Variants in MYO5C observed in about 807,000 individuals in gnomAD.
The protein encoded by MYO5C is unconventional myosin-Vc.
A neutral mutation model predicts 235.7 loss-of-function variants in MYO5C; 194 were observed. That is an observed-to-expected ratio of 0.82 (90% CI 0.73 to 0.93). MYO5C has a LOEUF of 0.93. Ranked by LOEUF, MYO5C falls within the 40% of genes least tolerant of loss-of-function variation. The probability of loss-of-function intolerance (pLI) is 0.00; values close to 1 mark genes in which losing one functional copy is unlikely to be tolerated. For missense variants in MYO5C, 2,038 were observed against 2,127.2 expected (o/e 0.96, Z 0.82); for synonymous variants, 707 against 754.8 (o/e 0.94, Z 1.04).
At chr15:52,202,015 C>A (rs967428343) in intron 38 of MYO5C, among the ~76,000 whole-genome samples, 1 of 148,490 alleles carries the variant, frequency 6.7e-6, no homozygotes, top group African/African-American at 2.5e-5. Flanking sequence ...AAATGAAAAC[C>A]AGAAGCAACA....
chr15:52,237,583 C>T lies in MYO5C; in HGVS notation c.2767G>A (p.Val923Met), dbSNP rs201181429. 6.2e-7 allele frequency: 1 copy of T among 1,614,208 alleles called. No individual in the cohort carries two copies. Among genetic ancestry groups the T allele is most frequent in the Non-Finnish European group, 8.5e-7 (1 of 1,180,050 alleles). Residue 923 changes from valine to methionine, a missense_variant, in exon 22 of 41, where the codon GTG (valine) becomes ATG (methionine). Coordinates refer to ENST00000261839, the MANE Select transcript of MYO5C (RefSeq NM_018728.4). Reference sequence around the variant, plus strand: ...GCTTCCAGCTTCTGAATCTTTTCCACATCCCCAGCTCGAAGAGCAGCCAGG... The same window carrying T: ...GCTTCCAGCTTCTGAATCTTTTCCATATCCCCAGCTCGAAGAGCAGCCAGG... ...TSLAALRAGD[V>M]EKIQKLEAEL...
In MYO5C at chr15:52,229,317, C is replaced by T. The variant is rs777432955; in HGVS notation, c.3027-4G>A. 2.7e-5 allele frequency: 44 copies of T among 1,609,016 alleles called. No individual in the cohort carries two copies. In the Admixed American group the frequency reaches 3.0e-4, roughly 11 times the overall value. On this transcript the variant is annotated splice_region_variant and splice_polypyrimidine_tract_variant and intron_variant, in intron 24 of 40. Coordinates refer to ENST00000261839, the MANE Select transcript of MYO5C (RefSeq NM_018728.4). ...TTCAAAACTTTTTTCAAGAAGCCTA[C>T]GCAGCAAAAGAAGAAAATAATTTAG...
In MYO5C at chr15:52,271,774, T is replaced by C. The variant is rs753593153; in HGVS notation, c.821A>G (p.His274Arg). 5 of 1,540,984 alleles carry C rather than the reference T, an allele frequency of 3.2e-6. No homozygotes were observed. In the South Asian group the frequency reaches 3.8e-5, roughly 12 times the overall value. Residue 274 changes from histidine to arginine, a missense_variant, in exon 7 of 41, where the codon CAT becomes CGT. Coordinates refer to ENST00000261839, the MANE Select transcript of MYO5C (RefSeq NM_018728.4). The part of the protein sequence containing the change: ...CASAQQSEFK[H>R]LKLGSAEEFN... ...GATCCATCACATACCCAATTTAAGA[T>C]GTTTAAATTCCGACTGCTGTGCAGA...
intron 8 of MYO5C, among the ~76,000 whole-genome samples, chr15:52,268,194 A>C (rs2036851220): frequency 6.6e-6 from 1 of 152,198 alleles, no homozygotes; most frequent in Admixed American, 6.5e-5. Context: ...ATTCAGATAC[A>C]GTCAACCAGG....
rs545039645 is a variant in MYO5C, at chr15:52,246,967, C to A, written c.1929G>T (p.Thr643=). The A allele has an allele frequency of 3.1e-6, 5 of 1,614,022 alleles. No individual in the cohort carries two copies. In the South Asian group the frequency reaches 4.4e-5, roughly 14 times the overall value. Reference sequence around the variant, plus strand: ...GCTTGATGCATCGAACGTAGTGGGGCGTCGTCGCATTGAGGGTCTCCATGA... The same window carrying A: ...GCTTGATGCATCGAACGTAGTGGGGAGTCGTCGCATTGAGGGTCTCCATGA... ...YLLMETLNAT[T]PHYVRCIKPN... Residue 643 remains threonine, a synonymous_variant, in exon 16 of 41, where the codon ACG becomes ACT. Coordinates refer to ENST00000261839, the MANE Select transcript of MYO5C (RefSeq NM_018728.4).
chr15:52,275,833 A>G, intron 4 of MYO5C, 115 bp from the exon 5 acceptor site: 1 of 997,328 alleles, frequency 1.0e-6, no homozygotes, highest in South Asian at 1.6e-5. Flanking sequence ...TCACTCTACT[A>G]TTTTTAAATC....
At chr15:52,260,735 G>T in intron 10 of MYO5C, 127 bp downstream of exon 10, 1 of 1,091,636 alleles carries the variant, frequency 9.2e-7, no homozygotes, top group Non-Finnish European at 1.3e-6. Context: ...ATCTATAGGG[G>T]CAAAAGCAGA....
At chr15:52,250,504 A>G (rs1176921648) in intron 13 of MYO5C, among the ~76,000 whole-genome samples, 1 of 152,096 alleles carries the variant, frequency 6.6e-6, no homozygotes, top group African/African-American at 2.4e-5. Context: ...TCAGCCTCCC[A>G]AAGTGCTGGG....
At chr15:52,250,771 G>A (rs1426199131) in intron 13 of MYO5C, among the ~76,000 whole-genome samples, 1 of 152,232 alleles carries the variant, frequency 6.6e-6, no homozygotes, top group Non-Finnish European at 1.5e-5. Context: ...GAGGAGGTAG[G>A]AGCTCCCTTA....
chr15:52,202,321 G>A (rs1257875010), intron 38 of MYO5C, among the ~76,000 whole-genome samples: 1 of 152,178 alleles, frequency 6.6e-6, no homozygotes, highest in Non-Finnish European at 1.5e-5. Context: ...AGGTTGCAGT[G>A]AGCCAAGATC....
At chr15:52,218,134 TA>T (rs2035594779) in intron 32 of MYO5C, among the ~76,000 whole-genome samples, 1 of 152,226 alleles carries the variant, frequency 6.6e-6, no homozygotes. Context: ...AGGAAGGCCA[TA>T]CCCCCAGAAG....
At chr15:52,201,005 A>C (rs2035175273) in intron 38 of MYO5C, among the ~76,000 whole-genome samples, 1 of 152,208 alleles carries the variant, frequency 6.6e-6, no homozygotes, top group Admixed American at 6.5e-5. Context: ...CACAGAAGAA[A>C]AGAACTAAGA....
chr15:52,229,202 C>A lies in MYO5C; in HGVS notation c.3138G>T (p.Leu1046=), dbSNP rs1405181882. Residue 1046 remains leucine, a synonymous_variant, in exon 25 of 41, where the codon CTG becomes CTT. Coordinates refer to ENST00000261839, the MANE Select transcript of MYO5C (RefSeq NM_018728.4). The stretch of plus-strand genomic sequence containing the variant: ...CAGAAGTGACGTGCTCCCCCTCCAC[C>A]AGGTGTTGGAGTTGCATCTTCTCAT... ...LKDEKMQLQH[L]VEGEHVTSDG... 2 of 1,614,136 alleles carry A rather than the reference C, an allele frequency of 1.2e-6. No homozygotes were observed. Among genetic ancestry groups the A allele is most frequent in the South Asian group, 1.1e-5 (1 of 91,090 alleles).
intron 21 of MYO5C, among the ~76,000 whole-genome samples, chr15:52,238,103 A>G (rs1214913933): frequency 6.6e-6 from 1 of 152,198 alleles, no homozygotes; most frequent in South Asian, 2.1e-4. Flanking sequence ...CATGGAGGGA[A>G]GATCATGTGA....
At chr15:52,208,289 C>T (rs757398414) in intron 36 of MYO5C, among the ~76,000 whole-genome samples, 5 of 152,212 alleles carry the variant, frequency 3.3e-5, no homozygotes, top group Non-Finnish European at 7.3e-5. Flanking sequence ...TAATGCTAAA[C>T]GTCTTACAGC....
chr15:52,267,021 T>C (rs2036828731), intron 8 of MYO5C, among the ~76,000 whole-genome samples: 1 of 152,182 alleles, frequency 6.6e-6, no homozygotes, highest in African/African-American at 2.4e-5. Context: ...ACAGGCTAAG[T>C]GTCCAGGGCC....
chr15:52,225,521 C>T lies in MYO5C; in HGVS notation c.3219G>A (p.Glu1073=). Residue 1073 remains glutamate, a synonymous_variant, in exon 26 of 41, where the codon GAG becomes GAA. Transcript: ENST00000261839. ...GAAGTAGTTCTATCTCTTTTTCGAACTCAGAGATTGTCTGAATCACAGCAA... is the reference window on the plus strand; with the variant it reads ...GAAGTAGTTCTATCTCTTTTTCGAATTCAGAGATTGTCTGAATCACAGCAA... ...RLSKQVKTIS[E]FEKEIELLQA... is the part of the protein sequence containing the mutation. 6.2e-7 allele frequency: 1 copy of T among 1,611,648 alleles called. No individual in the cohort carries two copies. Among genetic ancestry groups the T allele is most frequent in the South Asian group, 1.1e-5 (1 of 91,016 alleles).
Position 52,221,256 on chromosome 15 carries a change from C to G in MYO5C, c.3628-1G>C, listed in dbSNP as rs1210764585. ...TTTGCTGTTTAAAGTCTGGGATCAT[C>G]TTTAGAGAAGAATTAGAAATATTAG... On this transcript the variant is annotated splice_acceptor_variant, in intron 29 of 40. Coordinates refer to ENST00000261839, the MANE Select transcript of MYO5C (RefSeq NM_018728.4). LOFTEE classifies it high-confidence loss of function. The G allele has an allele frequency of 6.3e-7, 1 of 1,588,434 alleles. No individual in the cohort carries two copies. Among genetic ancestry groups the G allele is most frequent in the South Asian group, 1.1e-5 (1 of 87,326 alleles).
chr15:52,285,439 C>G lies in MYO5C; in HGVS notation c.28-2547G>C, dbSNP rs1337108787. Among the ~76,000 whole-genome samples the G allele has an allele frequency of 8.3e-5, 12 of 145,102 alleles. 2 individuals carry two copies. Among genetic ancestry groups the G allele is most frequent in the African/African-American group, 2.1e-4 (8 of 38,326 alleles). On this transcript the variant is annotated intron_variant, in intron 1 of 40. Coordinates refer to ENST00000261839, the MANE Select transcript of MYO5C (RefSeq NM_018728.4). ...CTCCCTCCTCTCCCTCTCCCTCTCCCTCTCCCTCCTCTCCCTCTCCCGTCT... is the reference window on the plus strand; with the variant it reads ...CTCCCTCCTCTCCCTCTCCCTCTCCGTCTCCCTCCTCTCCCTCTCCCGTCT...
Sources: gnomAD v4.1 joint callset for allele counts (sites outside exome capture counted in the v4.1 genomes callset) on GRCh38, gnomAD v4.1.1 for gene constraint, MANE v1.5 for transcripts, NCBI Gene and HGNC (gene_info 2026-07-23, HGNC 2026-07-21) for gene names.